The following DNAI4 variants were observed in gnomAD, a reference collection of about 807,000 sequenced individuals.
The protein encoded by DNAI4 is WD repeat domain 78.
In DNAI4, 85 loss-of-function variants were observed where a neutral mutation model predicts 105.8. That is an observed-to-expected ratio of 0.80 (90% CI 0.67 to 0.96). The LOEUF (loss-of-function observed/expected upper bound fraction) is 0.96. Ranked by LOEUF, DNAI4 falls within the 40% of genes least tolerant of loss-of-function variation. DNAI4 has a pLI of 0.00. For missense variants in DNAI4, 1,014 were observed against 1,005.6 expected, an observed-to-expected ratio of 1.01 and a Z score of -0.11; for synonymous variants, 352 against 331.5, an observed-to-expected ratio of 1.06 and a Z score of -0.67.
In DNAI4 at chr1:66,912,832, T is replaced by A. The variant is rs572464631; in HGVS notation, c.171-7457A>T. 2.6e-5 allele frequency among the ~76,000 whole-genome samples: 4 copies of A among 152,330 alleles called. No homozygotes were observed. In the East Asian group the frequency reaches 7.7e-4, roughly 29 times the overall value. On this transcript the variant is annotated intron_variant, in intron 1 of 16. Transcript: ENST00000371026. ...TGACCTTTGACAAATTTCCTATCAGTGCTTGTTAACAGCATGAGCTAACTT... is the reference window on the plus strand; with the variant it reads ...TGACCTTTGACAAATTTCCTATCAGAGCTTGTTAACAGCATGAGCTAACTT...
chr1:66,841,435 T>C (rs1362880076), intron 8 of DNAI4, among the ~76,000 whole-genome samples: 1 of 152,232 alleles, frequency 6.6e-6, no homozygotes, highest in Non-Finnish European at 1.5e-5. Context: ...TTAATGAATG[T>C]CTTACGGAAC....
chr1:66,911,852 T>G (rs1250191199), intron 1 of DNAI4, among the ~76,000 whole-genome samples: 1 of 152,154 alleles, frequency 6.6e-6, no homozygotes, highest in Non-Finnish European at 1.5e-5. Context: ...TATTTTTTTC[T>G]TTTCTTTGAG....
chr1:66,875,085 A>G, intron 4 of DNAI4, 148 bp from the exon 5 acceptor site: 1 of 794,870 alleles, frequency 1.3e-6, no homozygotes, highest in South Asian at 2.0e-5. Flanking sequence ...GATGTAGTAT[A>G]TTCAACCTTT....
chr1:66,893,063 G>GAGAGAGAAAGAAAGAAAGAAAGAAAGAA (rs879150798), intron 3 of DNAI4, among the ~76,000 whole-genome samples, 166 bp downstream of exon 3: 1 of 89,540 alleles, frequency 1.1e-5, no homozygotes, highest in Non-Finnish European at 2.2e-5. Context: ...AAGAGAGAGA[G>GAGAGAGAAAGAAAGAAAGAAAGAAAGAA]AGAAAGAAAG....
intron 1 of DNAI4, among the ~76,000 whole-genome samples, chr1:66,906,224 TAAG>T (rs1232766751): frequency 6.6e-6 from 1 of 152,086 alleles, no homozygotes; most frequent in Non-Finnish European, 1.5e-5. Context: ...CCCTTTTTAA[TAAG>T]AAGAGAAGTT....
intron 15 of DNAI4, among the ~76,000 whole-genome samples, chr1:66,823,653 T>C (rs1645683615): frequency 6.7e-6 from 1 of 148,550 alleles, no homozygotes; most frequent in Non-Finnish European, 1.5e-5. Context: ...ATTTCTCTGA[T>C]GGCCAGTGAT....
At chr1:66,893,007 G>GAGGAAAGAAAGAA (rs1557964786) in intron 3 of DNAI4, among the ~76,000 whole-genome samples, 4 of 104,812 alleles carry the variant, frequency 3.8e-5, no homozygotes, top group African/African-American at 1.6e-4. Flanking sequence ...GAGAGAAAGA[G>GAGGAAAGAAAGAA]AGAGAGGAAA....
intron 1 of DNAI4, 125 bp downstream of exon 1, chr1:66,924,537 A>C (rs991832328): frequency 7.8e-7 from 1 of 1,280,764 alleles, no homozygotes; most frequent in African/African-American, 1.5e-5. Context: ...AGGAGCTTCA[A>C]GGTCTACAGA....
At chr1:66,894,430 A>T (rs1648138434) in intron 2 of DNAI4, among the ~76,000 whole-genome samples, 1 of 152,152 alleles carries the variant, frequency 6.6e-6, no homozygotes, top group African/African-American at 2.4e-5. Context: ...TATGAGCTGC[A>T]AATGTCTTCT....
chr1:66,891,520 G>A (rs1647645602), intron 3 of DNAI4, among the ~76,000 whole-genome samples: 1 of 152,170 alleles, frequency 6.6e-6, no homozygotes, highest in Non-Finnish European at 1.5e-5. Context: ...GTAGTGCAGT[G>A]GCATGATCTC....
chr1:66,814,432 A>G (rs747914595), intron 16 of DNAI4, among the ~76,000 whole-genome samples: 10 of 151,934 alleles, frequency 6.6e-5, no homozygotes, highest in Non-Finnish European at 7.4e-5. Flanking sequence ...GCAGTGGTGC[A>G]ATCTCGGCTC....
At chr1:66,923,222 T>C (rs189868148) in intron 1 of DNAI4, among the ~76,000 whole-genome samples, 30 of 152,356 alleles carry the variant, frequency 2.0e-4, no homozygotes, top group African/African-American at 5.3e-4. Context: ...TTCATCATTA[T>C]GCAAACACCA....
rs1465544776 is a variant in DNAI4 at position 66,833,718 on chromosome 1, G to GA, written c.1892-13dup. Reference sequence around the variant, plus strand: ...TAATCGCATCAAATCTGTATTTAAAGAAAAACATATATAACTTGTTATTTA... The same window carrying GA: ...TAATCGCATCAAATCTGTATTTAAAGAAAAAACATATATAACTTGTTATTTA... On this transcript the variant is annotated splice_polypyrimidine_tract_variant and intron_variant, in intron 12 of 16. Coordinates refer to ENST00000371026, the MANE Select transcript of DNAI4 (RefSeq NM_024763.5). The GA allele has an allele frequency of 9.3e-6, 15 of 1,608,978 alleles. No homozygotes were observed. Among genetic ancestry groups the GA allele is most frequent in the Non-Finnish European group, 1.3e-5 (15 of 1,178,232 alleles).
At chr1:66,837,848 T>C (rs1421867438) in intron 9 of DNAI4, 52 bp from the exon 10 acceptor site, 2 of 1,457,976 alleles carry the variant, frequency 1.4e-6, no homozygotes, top group African/African-American at 1.4e-5. Context: ...CATTAAAATA[T>C]TGGTAAATGT....
chr1:66,821,091 CTTTTTTTT>C (rs55811909), intron 16 of DNAI4, among the ~76,000 whole-genome samples: 49 of 80,318 alleles, frequency 6.1e-4, no homozygotes, highest in South Asian at 2.4e-3. Flanking sequence ...AAACATTTCT[CTTTTTTTT>C]TTTTTTTTTT....
rs2100527764 is a variant in DNAI4 at position 66,847,584 on chromosome 1, A to G, written c.1191T>C (p.Ser397=). The G allele has an allele frequency of 1.2e-6, 2 of 1,614,044 alleles. No homozygotes were observed. The highest frequency in any genetic ancestry group is 1.3e-5 in the African/African-American group (1 of 75,056). ...AAAATAAGTCCTGATGAAATTTGTC[A>G]GATTTTAATATTGCATCTGAGTGGT... is the stretch of plus-strand genomic sequence containing the variant. ...EEDHSDAILK[S]DKFHQDLFFM... The change falls in exon 8 of 17, where the codon TCT becomes TCC. Residue 397 remains serine, a synonymous_variant. Coordinates refer to ENST00000371026, the MANE Select transcript of DNAI4 (RefSeq NM_024763.5).
intron 10 of DNAI4, 59 bp downstream of exon 10, chr1:66,837,650 AT>A: frequency 6.7e-7 from 1 of 1,491,456 alleles, no homozygotes. Flanking sequence ...GTAATTATAT[AT>A]TTTATGAGAA....
intron 16 of DNAI4, among the ~76,000 whole-genome samples, chr1:66,819,045 C>A (rs1645573971): frequency 6.6e-6 from 1 of 152,036 alleles, no homozygotes; most frequent in South Asian, 2.1e-4. Context: ...CATTTTATTT[C>A]ATTGCTTTCT....
chr1:66,882,869 C>T (rs1315144775), intron 4 of DNAI4, among the ~76,000 whole-genome samples: 1 of 152,020 alleles, frequency 6.6e-6, no homozygotes, highest in African/African-American at 2.4e-5. Flanking sequence ...TGAATCTATA[C>T]ATCGAATTAC....
Sources: gnomAD v4.1 joint callset for allele counts (sites outside exome capture counted in the v4.1 genomes callset) on GRCh38, gnomAD v4.1.1 for gene constraint, MANE v1.5 for transcripts, NCBI Gene and HGNC (gene_info 2026-07-23, HGNC 2026-07-21) for gene names.